The following ALKAL1 variants were observed in gnomAD, a reference collection of about 807,000 sequenced individuals.
ALKAL1 encodes the protein AUG-beta.
ALKAL1 carries 23 observed loss-of-function variants against 13.5 expected under a neutral mutation model. The ratio of observed to expected loss-of-function variants is 1.70; its 90% CI spans 1.23 to 2.41. The LOEUF (loss-of-function observed/expected upper bound fraction) is 2.41, where lower values mean the gene tolerates loss of function less well. ALKAL1 is among the 30% of genes most tolerant of loss of function. The probability of loss-of-function intolerance (pLI) is 0.00; values close to 1 mark genes in which losing one functional copy is unlikely to be tolerated. For synonymous variants in ALKAL1, 85 were observed against 77.7 expected (o/e 1.09, Z -0.49); for missense variants, 181 against 178.4 (o/e 1.01, Z -0.08).
intron 2 of ALKAL1, among the ~76,000 whole-genome samples, chr8:52,542,155 T>C (rs1033860046): frequency 2.5e-4 from 38 of 152,220 alleles, no homozygotes; most frequent in African/African-American, 8.2e-4. Context: ...TTCTTGGTAG[T>C]TCTTGGCCAC....
At chr8:52,556,428 A>G (rs928969862) in intron 1 of ALKAL1, among the ~76,000 whole-genome samples, 3 of 152,000 alleles carry the variant, frequency 2.0e-5, no homozygotes, top group African/African-American at 7.2e-5. Context: ...CGGGCGGATC[A>G]CGAGGTCAGG....
chr8:52,534,569 CT>C lies in ALKAL1; in HGVS notation c.*43del. 1.7e-6 allele frequency: 1 copy of C among 595,034 alleles called. No homozygotes were observed. Among genetic ancestry groups the C allele is most frequent in the Non-Finnish European group, 3.0e-6 (1 of 336,186 alleles). 36.9% of individuals were successfully genotyped at this position (595,034 alleles called of 1,614,324 possible). A position where few individuals can be genotyped will look rare whatever the true frequency, so the allele number is the denominator to read the frequency against. On this transcript the variant is annotated 3_prime_UTR_variant, in exon 5 of 5. Coordinates refer to ENST00000358543, the MANE Select transcript of ALKAL1 (RefSeq NM_207413.4). The stretch of plus-strand genomic sequence containing the variant: ...TTTTGCATGATTTGAGGCACTTTTT[CT>C]TCAAATTAGATGTACATTCTTAGGA...
chr8:52,542,922 C>T (rs887528984), intron 1 of ALKAL1, among the ~76,000 whole-genome samples: 1 of 152,206 alleles, frequency 6.6e-6, no homozygotes, highest in Admixed American at 6.5e-5. Context: ...CGAGTCTGGC[C>T]CAAGCCATCG....
intron 1 of ALKAL1, among the ~76,000 whole-genome samples, chr8:52,543,747 T>G (rs1192140298): frequency 1.3e-5 from 2 of 152,194 alleles, no homozygotes; most frequent in Non-Finnish European, 2.9e-5. Context: ...TTGGCTTCTG[T>G]GGTGTCAATA....
At chr8:52,563,160 G>A (rs1847568033) in intron 1 of ALKAL1, among the ~76,000 whole-genome samples, 1 of 152,208 alleles carries the variant, frequency 6.6e-6, no homozygotes, top group Non-Finnish European at 1.5e-5. Flanking sequence ...GCTCATGCCT[G>A]TAATTCCAGC....
chr8:52,565,313 G>C lies in ALKAL1; in HGVS notation c.-57C>G, dbSNP rs1322192345. ...TCCGGGAGGATCCCGACGCAGGTCC[G>C]GAGGGTGCGCGGCCCAAGAGAAGGC... On this transcript the variant is annotated 5_prime_UTR_variant, in exon 1 of 5. Transcript: ENST00000358543. 93 of 1,247,368 alleles carry C rather than the reference G, an allele frequency of 7.5e-5. No individual in the cohort carries two copies. The highest frequency in any genetic ancestry group is 9.3e-5 in the Non-Finnish European group (91 of 977,324). 77.3% of individuals were successfully genotyped at this position (1,247,368 alleles called of 1,614,324 possible). A position where few individuals can be genotyped will look rare whatever the true frequency, so the allele number is the denominator to read the frequency against.
At chr8:52,539,273 C>T (rs1351301681) in intron 3 of ALKAL1, among the ~76,000 whole-genome samples, 1 of 152,044 alleles carries the variant, frequency 6.6e-6, no homozygotes, top group African/African-American at 2.4e-5. Context: ...ACTGAGTTAC[C>T]ACACATAGTC....
chr8:52,543,710 T>C (rs1204140762), intron 1 of ALKAL1, among the ~76,000 whole-genome samples: 1 of 152,200 alleles, frequency 6.6e-6, no homozygotes, highest in Non-Finnish European at 1.5e-5. Flanking sequence ...TTTTCCCCTG[T>C]ACTTCTCAGA....
chr8:52,542,353 T>C (rs2150344292), intron 2 of ALKAL1, 39 bp downstream of exon 2: 2 of 1,330,228 alleles, frequency 1.5e-6, no homozygotes, highest in Non-Finnish European at 2.1e-6. Context: ...ACAGTCTTTT[T>C]ATTTAGTTAA....
chr8:52,565,288 T>G lies in ALKAL1; in HGVS notation c.-32A>C, dbSNP rs1847590698. 1.6e-6 allele frequency: 2 copies of G among 1,262,058 alleles called. No homozygotes were observed. The highest frequency in any genetic ancestry group is 2.0e-6 in the Non-Finnish European group (2 of 986,476). 78.2% of individuals were successfully genotyped at this position (1,262,058 alleles called of 1,614,324 possible). On this transcript the variant is annotated 5_prime_UTR_variant, in exon 1 of 5. Transcript: ENST00000358543. ...AAGCCGGGAGGAGAGAGCGGGAGAC[T>G]CCGGGAGGATCCCGACGCAGGTCCG...
At chr8:52,557,411 C>T (rs570827853) in intron 1 of ALKAL1, among the ~76,000 whole-genome samples, 133 of 152,358 alleles carry the variant, frequency 8.7e-4, no homozygotes, top group African/African-American at 3.2e-3. Context: ...GGAACCAGTG[C>T]TTTCTGTCTC....
intron 1 of ALKAL1, among the ~76,000 whole-genome samples, chr8:52,553,149 A>G (rs1052719857): frequency 1.1e-4 from 17 of 152,158 alleles, no homozygotes; most frequent in Admixed American, 1.1e-3. Flanking sequence ...GAAGTTTGAG[A>G]CCAGCCTGCA....
At chr8:52,560,367 A>C (rs1043382095) in intron 1 of ALKAL1, among the ~76,000 whole-genome samples, 1 of 152,188 alleles carries the variant, frequency 6.6e-6, no homozygotes, top group African/African-American at 2.4e-5. Flanking sequence ...CACTCTACTT[A>C]CTACCCACTA....
chr8:52,543,181 T>C (rs1847331415), intron 1 of ALKAL1, among the ~76,000 whole-genome samples: 1 of 152,236 alleles, frequency 6.6e-6, no homozygotes, highest in African/African-American at 2.4e-5. Context: ...CGGGAGCATG[T>C]GCAACTCTTT....
At chr8:52,541,230 C>T (rs1181534417) in intron 2 of ALKAL1, among the ~76,000 whole-genome samples, 2 of 152,098 alleles carry the variant, frequency 1.3e-5, no homozygotes, top group African/African-American at 4.8e-5. Context: ...AATCCCAATG[C>T]TTTGGGAGGC....
intron 4 of ALKAL1, among the ~76,000 whole-genome samples, chr8:52,535,784 A>C (rs916921490): frequency 1.8e-4 from 28 of 152,200 alleles, no homozygotes; most frequent in Admixed American, 1.3e-4. Context: ...TAAGTATAGC[A>C]ACAGTGATAG....
chr8:52,555,703 G>A (rs945906616), intron 1 of ALKAL1, among the ~76,000 whole-genome samples: 18 of 152,068 alleles, frequency 1.2e-4, no homozygotes, highest in Admixed American at 2.6e-4. Context: ...AGAGCCCACC[G>A]AAATCATTCA....
chr8:52,558,615 T>C (rs1044791461), intron 1 of ALKAL1, among the ~76,000 whole-genome samples: 2 of 152,060 alleles, frequency 1.3e-5, no homozygotes, highest in African/African-American at 4.8e-5. Flanking sequence ...CTTTTTTTCC[T>C]GGTGTCCCCC....
chr8:52,557,966 GAA>G (rs33973509), intron 1 of ALKAL1, among the ~76,000 whole-genome samples: 42 of 114,120 alleles, frequency 3.7e-4, no homozygotes, highest in Middle Eastern at 5.1e-3. Flanking sequence ...GACTATGTCT[GAA>G]AAAAAAAAAA....
Sources: allele counts gnomAD v4.1 joint callset (sites outside exome capture counted in the v4.1 genomes callset), GRCh38; gene constraint gnomAD v4.1.1; transcripts MANE v1.5; gene names NCBI Gene and HGNC (gene_info 2026-07-23, HGNC 2026-07-21).